The following C1S variants were observed in gnomAD, a reference collection of about 807,000 sequenced individuals.
C1S encodes complement C1s.
Under a neutral mutation model 54.0 loss-of-function variants are expected in C1S, and 31 were observed. The observed-to-expected ratio is 0.57, with a 90% CI of 0.43 to 0.78. The LOEUF is 0.78. Among genes scored for constraint, C1S ranks in the 30% least tolerant of loss-of-function variants. C1S has a pLI of 0.00. For missense variants in C1S, 727 were observed against 851.8 expected (o/e 0.85, Z 1.82); for synonymous variants, 292 against 303.6 (o/e 0.96, Z 0.40).
Position 7,066,597 on chromosome 12 carries a change from G to A in C1S, c.951G>A (p.Val317=), listed in dbSNP as rs1937671138. Residue 317 remains valine, a synonymous_variant, in exon 8 of 12, where the codon GTG becomes GTA. Transcript: ENST00000360817. ...AKAKYVFRDV[V]QITCLDGFEV... is the part of the protein sequence containing the mutation. ...CAAAATATGTCTTTAGAGATGTGGT[G>A]CAGATAACCTGTCTGGATGGGTTTG... 1 of 1,613,704 alleles carries A rather than the reference G, an allele frequency of 6.2e-7. No homozygotes were observed. The highest frequency in any genetic ancestry group is 1.1e-5 in the South Asian group (1 of 91,084).
At position 7,061,872 on chromosome 12, in the gene C1S, C is replaced by A; in HGVS notation, c.-41C>A. 2 of 1,613,656 alleles carry A rather than the reference C, an allele frequency of 1.2e-6. No homozygotes were observed. The highest frequency in any genetic ancestry group is 3.3e-5 in the Admixed American group (2 of 60,004). ...GTCCGGAGGTGCAGAAAGCCAGGAC[C>A]AAGAGACAGGCAGCTCACCAGGGTG... is the stretch of plus-strand genomic sequence containing the variant. On this transcript the variant is annotated 5_prime_UTR_variant, in exon 2 of 12. Coordinates refer to ENST00000360817, the MANE Select transcript of C1S (RefSeq NM_001734.5).
rs782630063 is a variant in C1S, at chr12:7,066,548, A to G, written c.902A>G (p.Asn301Ser). The change falls in exon 8 of 12, where the codon AAT becomes AGT. Residue 301 changes from asparagine (N) to serine (S), a missense_variant. By Grantham distance (46) the Asn-to-Ser change is conservative. Transcript: ENST00000360817. Reference protein sequence around the residue: ...PMPCPKEDTPNSVWEPAKAKY... With the variant: ...PMPCPKEDTPSSVWEPAKAKY... ...CCCTGCCCTAAGGAAGACACTCCCA[A>G]TTCTGTTTGGGAGCCTGCGAAGGCA... 4.3e-6 allele frequency: 7 copies of G among 1,613,108 alleles called. No individual in the cohort carries two copies. In the Admixed American group the frequency reaches 5.0e-5, roughly 12 times the overall value.
intron 9 of C1S, chr12:7,067,331 C>G (rs183251983): frequency 1.6e-6 from 1 of 637,666 alleles, no homozygotes; most frequent in Admixed American, 2.5e-5. Context: ...AAGAAAGGGG[C>G]TATGGGATAG....
At chr12:7,063,137 C>A (rs1947122325) in intron 4 of C1S, 70 bp downstream of exon 4, 3 of 1,366,334 alleles carry the variant, frequency 2.2e-6, no homozygotes, top group Non-Finnish European at 3.1e-6. Flanking sequence ...ATCCACTGAG[C>A]AACACATTGA....
In C1S at chr12:7,070,070, C is replaced by A; in HGVS notation, c.1486C>A (p.Arg496=). 6.2e-7 allele frequency: 1 copy of A among 1,614,072 alleles called. No homozygotes were observed. ...YVGSTSVQTS[R]LAKSKMLTPE... ...TGGGTCCACCTCAGTGCAGACCTCA[C>A]GGCTGGCAAAATCCAAGATGCTCAC... Residue 496 remains arginine, a synonymous_variant, in exon 12 of 12, where the codon CGG becomes AGG. Coordinates refer to ENST00000360817, the MANE Select transcript of C1S (RefSeq NM_001734.5). This position sits in a 1 kb window ranked among gnomAD's most constrained non-coding sequence, Gnocchi z 4.9.
Position 7,070,611 on chromosome 12 carries a change from T to C in C1S, c.2027T>C (p.Met676Thr), listed in dbSNP as rs782218351. 1.2e-6 allele frequency: 2 copies of C among 1,614,152 alleles called. No individual in the cohort carries two copies. Among genetic ancestry groups the C allele is most frequent in the African/African-American group, 2.7e-5 (2 of 75,044 alleles). Residue 676 changes from methionine to threonine, a missense_variant, in exon 12 of 12, where the codon ATG (methionine) becomes ACG (threonine). Around this residue, in one of 3 missense-constraint regions of C1S, gnomAD observed 360 missense variants for 453.6 expected, o/e 0.79. Transcript: ENST00000360817. This position sits in a 1 kb window ranked among gnomAD's most constrained non-coding sequence, Gnocchi z 4.9. ...GTAAAGAACTATGTTGACTGGATAA[T>C]GAAGACTATGCAGGAAAATAGCACC... ...TRVKNYVDWI[M>T]KTMQENSTPR...
Position 7,067,792 on chromosome 12 carries a change from AAG to A in C1S, c.1195+34_1195+35del, listed in dbSNP as rs150772912. The A allele has an allele frequency of 8.4e-3, 12,470 of 1,492,054 alleles. 8 individuals carry two copies. The highest frequency in any genetic ancestry group is 9.5e-3 in the Non-Finnish European group (10,410 of 1,096,320). The allele number at this position is 1,492,054 out of a possible 1,614,324, so 92.4% of individuals were successfully genotyped here. ...AGGTGGTAGGTTTCTTCTACTGGAG[AAG>A]AGAGAGAGAGAGTGAGAAGGTGTTG... On this transcript the variant is annotated intron_variant, in intron 10 of 11. Coordinates refer to ENST00000360817, the MANE Select transcript of C1S (RefSeq NM_001734.5).
rs1947112265 is a variant in C1S, at chr12:7,062,615, G to A, written c.146G>A (p.Gly49Glu). 1 of 1,614,114 alleles carries A rather than the reference G, an allele frequency of 6.2e-7. No homozygotes were observed. Among genetic ancestry groups the A allele is most frequent in the Non-Finnish European group, 8.5e-7 (1 of 1,180,012 alleles). Reference protein sequence around the residue: ...SWDIEVPEGYGIHLYFTHLDI... With the variant: ...SWDIEVPEGYEIHLYFTHLDI... ...GACATAGAAGTTCCTGAAGGGTATG[G>A]GATTCACCTCTACTTCACCCATCTG... Residue 49 changes from glycine to glutamate, a missense_variant, in exon 3 of 12, where the codon GGG (glycine) becomes GAG (glutamate). Gly to Glu is a moderately conservative substitution (Grantham distance 98). This residue lies in a region of C1S where 357 missense variants were observed against 365.4 expected (regional missense o/e 0.98). Transcript: ENST00000360817.
intron 9 of C1S, 110 bp downstream of exon 9, chr12:7,067,227 G>C: frequency 1.2e-6 from 1 of 863,972 alleles, no homozygotes; most frequent in Non-Finnish European, 1.9e-6. Flanking sequence ...TGAGGGAGTG[G>C]GTTGGGTTTT....
intron 4 of C1S, 117 bp from the exon 5 acceptor site, chr12:7,064,150 C>A: frequency 4.0e-6 from 4 of 1,005,020 alleles, no homozygotes; most frequent in Non-Finnish European, 6.3e-6. Flanking sequence ...GATCCCTTGA[C>A]GGATCTTTAA....
At position 7,067,061 on chromosome 12, in the gene C1S, T is replaced by C. The variant is rs1555162388; in HGVS notation, c.1010T>C (p.Phe337Ser). Residue 337 changes from phenylalanine to serine, a missense_variant, in exon 9 of 12, where the codon TTC (phenylalanine) becomes TCC (serine). Phe to Ser is a radical substitution (Grantham distance 155, BLOSUM62 -2). Transcript: ENST00000360817. ...VVEGRVGATS[F>S]YSTCQSNGKW... ...CAGGGACGTGTTGGTGCAACATCTT[T>C]CTATTCGACTTGTCAAAGCAATGGA... The C allele has an allele frequency of 3.1e-6, 5 of 1,612,174 alleles. No homozygotes were observed. Among genetic ancestry groups the C allele is most frequent in the Middle Eastern group, 1.6e-4 (1 of 6,082 alleles).
In C1S at chr12:7,062,567, C is replaced by T. The variant is rs1555161410; in HGVS notation, c.98C>T (p.Pro33Leu). Residue 33 changes from proline to leucine, a missense_variant, in exon 3 of 12, where the codon CCC becomes CTC. This residue lies in a region of C1S where 357 missense variants were observed against 365.4 expected (regional missense o/e 0.98). Transcript: ENST00000360817. The part of the protein sequence containing the change: ...ILSPNYPQAY[P>L]SEVEKSWDIE... ...TCCCCTAACTATCCTCAGGCATATC[C>T]CAGTGAGGTAGAGAAATCTTGGGAC... 1 of 1,613,552 alleles carries T rather than the reference C, an allele frequency of 6.2e-7. No homozygotes were observed. Among genetic ancestry groups the T allele is most frequent in the South Asian group, 1.1e-5 (1 of 91,074 alleles).
At chr12:7,068,885 A>G (rs1937752546) in intron 11 of C1S, 1 of 291,898 alleles carries the variant, frequency 3.4e-6, no homozygotes, top group Admixed American at 4.3e-5. Flanking sequence ...TAGTTATTAT[A>G]TTAAAAGTTT....
At position 7,063,069 on chromosome 12, in the gene C1S, T is replaced by C. The variant is rs111752151; in HGVS notation, c.391+2T>C. 6.2e-7 allele frequency: 1 copy of C among 1,612,460 alleles called. No individual in the cohort carries two copies. On this transcript the variant is annotated splice_donor_variant, in intron 4 of 11. Coordinates refer to ENST00000360817, the MANE Select transcript of C1S (RefSeq NM_001734.5). LOFTEE classifies it high-confidence loss of function. ...TTGCTGCATACTATGTTGCCACAGG[T>C]AAGGCTCACCCTTCTGCATGTGCCT...
rs138087323 is a variant in C1S, at chr12:7,070,408, G to A, written c.1824G>A (p.Glu608=). 9 of 1,614,112 alleles carry A rather than the reference G, an allele frequency of 5.6e-6. 1 individual carries two copies. The South Asian group carries it at 9.9e-5, about 18-fold the overall frequency. ...TGGAGAAACCCACAGCAGATGCAGA[G>A]GCCTATGTTTTCACTCCTAACATGA... ...VKVEKPTADA[E]AYVFTPNMIC... The change falls in exon 12 of 12, where the codon GAG becomes GAA. Residue 608 remains glutamate, a synonymous_variant. Coordinates refer to ENST00000360817, the MANE Select transcript of C1S (RefSeq NM_001734.5). This position sits in a 1 kb window ranked among gnomAD's most constrained non-coding sequence, Gnocchi z 4.9.
Position 7,062,588 on chromosome 12 carries a change from G to A in C1S, c.119G>A (p.Trp40Ter), listed in dbSNP as rs1947111479. The A allele has an allele frequency of 6.2e-7, 1 of 1,613,914 alleles. No individual in the cohort carries two copies. Among genetic ancestry groups the A allele is most frequent in the African/African-American group, 1.3e-5 (1 of 74,884 alleles). The change falls in exon 3 of 12, where the codon TGG (tryptophan) becomes TAG (stop). Residue 40 changes from tryptophan to a stop codon, truncating the protein, a stop_gained. Transcript: ENST00000360817. LOFTEE classifies it high-confidence loss of function. The part of the protein sequence containing the change: ...QAYPSEVEKS[W>*]DIEVPEGYGI... ...TATCCCAGTGAGGTAGAGAAATCTT[G>A]GGACATAGAAGTTCCTGAAGGGTAT...
At chr12:7,062,163 C>G (rs1382412180) in intron 2 of C1S, 2 of 562,418 alleles carry the variant, frequency 3.6e-6, no homozygotes, top group Admixed American at 3.1e-5. Flanking sequence ...CCCTGCTACT[C>G]AAAAGGCTGA....
rs1937813917 is a variant in C1S, at chr12:7,070,295, G to A, written c.1711G>A (p.Gly571Ser). 1 of 1,614,222 alleles carries A rather than the reference G, an allele frequency of 6.2e-7. No homozygotes were observed. Among genetic ancestry groups the A allele is most frequent in the Non-Finnish European group, 8.5e-7 (1 of 1,180,048 alleles). ...GGACCTGGGACTGATCTCAGGCTGGGGCCGAACAGAGAAGAGAGATCGTGC... is the reference window on the plus strand; with the variant it reads ...GGACCTGGGACTGATCTCAGGCTGGAGCCGAACAGAGAAGAGAGATCGTGC... ...DGDLGLISGW[G>S]RTEKRDRAVR... is the part of the protein sequence containing the mutation. The change falls in exon 12 of 12, where the codon GGC becomes AGC. Residue 571 changes from glycine to serine, a missense_variant. Gly to Ser is a moderately conservative substitution (Grantham distance 56). This residue lies in a region of C1S where 360 missense variants were observed against 453.6 expected (regional missense o/e 0.79). Coordinates refer to ENST00000360817, the MANE Select transcript of C1S (RefSeq NM_001734.5). The surrounding 1 kb of genome is among the most constrained non-coding windows in gnomAD (Gnocchi z 4.9).
Position 7,065,217 on chromosome 12 carries a change from T to C in C1S, c.635T>C (p.Phe212Ser). The change falls in exon 6 of 12, where the codon TTC becomes TCC. Residue 212 changes from phenylalanine to serine, a missense_variant. Phe to Ser is a radical substitution (Grantham distance 155). This residue lies in a region of C1S where 357 missense variants were observed against 365.4 expected (regional missense o/e 0.98). Coordinates refer to ENST00000360817, the MANE Select transcript of C1S (RefSeq NM_001734.5). The part of the protein sequence containing the change: ...CEYQIRLEKG[F>S]QVVVTLRRED... ...TACCAGATCCGGTTGGAGAAAGGGT[T>C]CCAAGTGGTGGTGACCTTGCGGAGA... 1 of 1,614,118 alleles carries C rather than the reference T, an allele frequency of 6.2e-7. No homozygotes were observed.
Sources: allele counts gnomAD v4.1 joint callset, GRCh38; gene constraint gnomAD v4.1.1; regional missense constraint gnomAD v4.1.1; non-coding constraint Gnocchi (gnomAD v3.1); transcripts MANE v1.5; gene names NCBI Gene and HGNC (gene_info 2026-07-23, HGNC 2026-07-21).